POT1: variants seen among roughly 807,000 people sequenced by gnomAD.
The protein encoded by POT1 is protection of telomeres 1.
Under a neutral mutation model 78.5 loss-of-function variants are expected in POT1, and 47 were observed. The observed-to-expected ratio is 0.60, with a 90% CI of 0.47 to 0.76. The LOEUF is 0.76. Ranked by LOEUF, POT1 falls within the 30% of genes least tolerant of loss-of-function variation. The probability of loss-of-function intolerance (pLI) is 0.00; values close to 1 mark genes in which losing one functional copy is unlikely to be tolerated. For missense variants in POT1, 646 were observed against 749.9 expected (o/e 0.86, Z 1.62); for synonymous variants, 259 against 260.7 (o/e 0.99, Z 0.06).
intron 6 of POT1, among the ~76,000 whole-genome samples, chr7:124,884,364 C>CA (rs1012261106): frequency 6.6e-6 from 1 of 152,110 alleles, no homozygotes; most frequent in Non-Finnish European, 1.5e-5. Flanking sequence ...TTATACTGCT[C>CA]AGTAAGTAGC....
At position 124,824,065 on chromosome 7, in the gene POT1, G is replaced by A. The variant is rs779050803; in HGVS notation, c.1802C>T (p.Pro601Leu). 1.1e-5 allele frequency: 17 copies of A among 1,584,880 alleles called. No individual in the cohort carries two copies. The highest frequency in any genetic ancestry group is 2.3e-5 in the South Asian group (2 of 87,092). ...CPPGIKIDAY[P>L]WLECFIKSYN... is the part of the protein sequence containing the mutation. ...TGACTTGATGAAGCATTCCAACCAC[G>A]GATATGCATCTACAAAAACAAAAAC... Residue 601 changes from proline (P) to leucine (L), a missense_variant, in exon 19 of 19, where the codon CCG becomes CTG. Pro to Leu is a moderately conservative substitution (Grantham distance 98). Around this residue, in one of 2 missense-constraint regions of POT1, gnomAD observed 394 missense variants for 408.4 expected, o/e 0.96. Transcript: ENST00000357628.
intron 15 of POT1, among the ~76,000 whole-genome samples, chr7:124,829,699 G>GATCTAT (rs60869743): frequency 0.27 from 39,345 of 148,430 alleles, 5,423 homozygotes; most frequent in Admixed American, 0.3. Flanking sequence ...CTGATTCTAT[G>GATCTAT]ATCTATATCT....
At chr7:124,912,536 T>C (rs1796911964) in intron 3 of POT1, among the ~76,000 whole-genome samples, 1 of 152,188 alleles carries the variant, frequency 6.6e-6, no homozygotes, top group African/African-American at 2.4e-5. Flanking sequence ...CTGCCTTACA[T>C]TCTCCATAGC....
In POT1 at chr7:124,912,075, C is replaced by A. The variant is rs778948264; in HGVS notation, c.-154+3499G>T. 1.8e-3 allele frequency among the ~76,000 whole-genome samples: 281 copies of A among 152,224 alleles called. 7 individuals are homozygous for A. The highest frequency in any genetic ancestry group is 1.4e-3 in the Non-Finnish European group (97 of 67,996). On this transcript the variant is annotated intron_variant, in intron 3 of 18. Coordinates refer to ENST00000357628, the MANE Select transcript of POT1 (RefSeq NM_015450.3). ...GGCTCAGGGTTCAGATGTCTTCCCT[C>A]TACTCTCTTCTTCCTCACTGAGGCT...
intron 3 of POT1, among the ~76,000 whole-genome samples, chr7:124,905,205 G>A (rs753700362): frequency 1.3e-5 from 2 of 152,126 alleles, no homozygotes; most frequent in East Asian, 1.9e-4. Flanking sequence ...AAAGCTGGAC[G>A]CATCACACTA....
At chr7:124,913,691 G>A (rs139627481) in intron 3 of POT1, among the ~76,000 whole-genome samples, 314 of 152,196 alleles carry the variant, frequency 2.1e-3, no homozygotes, top group Non-Finnish European at 3.0e-3. Flanking sequence ...TTTGTATGTG[G>A]AAATCCAGTT....
intron 16 of POT1, chr7:124,828,871 C>T (rs1367898900): frequency 9.4e-6 from 5 of 530,268 alleles, no homozygotes; most frequent in South Asian, 2.8e-5. Flanking sequence ...ACATTTCAGG[C>T]TAGTAGAAGC....
intron 3 of POT1, among the ~76,000 whole-genome samples, chr7:124,900,101 T>C: frequency 6.6e-6 from 1 of 152,196 alleles, no homozygotes; most frequent in East Asian, 1.9e-4. Context: ...ATTATATTCA[T>C]AAACATGGAT....
intron 3 of POT1, 82 bp downstream of exon 3, chr7:124,915,492 C>T (rs1253447196): frequency 1.3e-5 from 2 of 152,100 alleles, no homozygotes; most frequent in African/African-American, 4.8e-5. Context: ...AAGTAGAATA[C>T]ACACACATAT....
intron 2 of POT1, among the ~76,000 whole-genome samples, chr7:124,916,404 A>T (rs1797015452): frequency 6.6e-6 from 1 of 152,184 alleles, no homozygotes; most frequent in Non-Finnish European, 1.5e-5. Flanking sequence ...TAGAAAGCTG[A>T]AAAAAGTGTC....
chr7:124,917,288 T>G (rs1047939425), intron 2 of POT1, among the ~76,000 whole-genome samples: 4 of 152,140 alleles, frequency 2.6e-5, no homozygotes, highest in African/African-American at 9.7e-5. Flanking sequence ...GAGATCTTAT[T>G]TGAGGCAAAG....
chr7:124,828,002 C>T (rs979166303), intron 16 of POT1, among the ~76,000 whole-genome samples: 5 of 152,010 alleles, frequency 3.3e-5, no homozygotes, highest in Non-Finnish European at 5.9e-5. Flanking sequence ...CACTGCACTC[C>T]AGCCTGGGCG....
At chr7:124,841,327 T>C in intron 13 of POT1, 149 bp from the exon 14 acceptor site, 1 of 615,832 alleles carries the variant, frequency 1.6e-6, no homozygotes, top group Non-Finnish European at 2.8e-6. Flanking sequence ...ATGGAGATAA[T>C]TCACTTTGCA....
rs538695789 is a variant in POT1, at chr7:124,925,534, C to T, written c.-227+3281G>A. Among the ~76,000 whole-genome samples the T allele has an allele frequency of 7.2e-5, 11 of 152,010 alleles. No individual in the cohort carries two copies. In the South Asian group the frequency reaches 2.3e-3, roughly 32 times the overall value. ...TAATATTATTAAAATGAACATACTT[C>T]CCAAAGCTACAGATTCAATGCAATC... is the stretch of plus-strand genomic sequence containing the variant. On this transcript the variant is annotated intron_variant, in intron 2 of 18. Coordinates refer to ENST00000357628, the MANE Select transcript of POT1 (RefSeq NM_015450.3).
chr7:124,823,149 C>G lies in POT1; in HGVS notation c.*813G>C, dbSNP rs1794545437. On this transcript the variant is annotated 3_prime_UTR_variant, in exon 19 of 19. Coordinates refer to ENST00000357628, the MANE Select transcript of POT1 (RefSeq NM_015450.3). Reference sequence around the variant, plus strand: ...TACATGTTTAGTGCTTAGCACAGTACCTGGGATGTAGACAGCCCTAAACAT... The same window carrying G: ...TACATGTTTAGTGCTTAGCACAGTAGCTGGGATGTAGACAGCCCTAAACAT... 1 of 152,218 alleles carries G rather than the reference C, an allele frequency of 6.6e-6. No individual in the cohort carries two copies. The highest frequency in any genetic ancestry group is 2.1e-4 in the South Asian group (1 of 4,846). The allele number at this position is 152,218 out of a possible 1,614,324, so 9.4% of individuals were successfully genotyped here.
chr7:124,834,008 G>A (rs1455913060), intron 15 of POT1, among the ~76,000 whole-genome samples: 9 of 152,090 alleles, frequency 5.9e-5, no homozygotes, highest in Non-Finnish European at 1.2e-4. Context: ...CAAGCAATGG[G>A]GAAAGGATTC....
Position 124,846,934 on chromosome 7 carries a change from A to G in POT1, c.1006+8T>C. ...TGTGCCCATCTCAAAAATGATACAT[A>G]GTCTTACTTGTAGCAGATAGCTGTT... On this transcript the variant is annotated splice_region_variant and intron_variant, in intron 12 of 18. Transcript: ENST00000357628. 6.4e-7 allele frequency: 1 copy of G among 1,565,802 alleles called. No homozygotes were observed. Among genetic ancestry groups the G allele is most frequent in the Non-Finnish European group, 8.8e-7 (1 of 1,136,390 alleles).
intron 3 of POT1, among the ~76,000 whole-genome samples, chr7:124,910,147 A>G (rs2116682903): frequency 6.6e-6 from 1 of 152,050 alleles, no homozygotes; most frequent in East Asian, 1.9e-4. Context: ...TTTTACCTGA[A>G]GAATGGGACT....
At chr7:124,828,992 T>C (rs1001162389) in intron 16 of POT1, 3 of 673,214 alleles carry the variant, frequency 4.5e-6, no homozygotes, top group Non-Finnish European at 8.3e-6. Flanking sequence ...AAAGCACTGG[T>C]AAAGTGGAAT....
Sources: gnomAD v4.1 joint callset for allele counts (sites outside exome capture counted in the v4.1 genomes callset) on GRCh38, gnomAD v4.1.1 for gene constraint, gnomAD v4.1.1 regional missense constraint, MANE v1.5 for transcripts, NCBI Gene and HGNC (gene_info 2026-07-23, HGNC 2026-07-21) for gene names.